SHISA9: variants seen among roughly 807,000 people sequenced by gnomAD.
SHISA9 encodes the protein shisa family member 9, also known as protein shisa-9.
Under a neutral mutation model 38.0 loss-of-function variants are expected in SHISA9, and 13 were observed. That is an observed-to-expected ratio of 0.34 (90% CI 0.22 to 0.54). The LOEUF is 0.54. SHISA9 is among the 20% of genes least tolerant of loss of function. The pLI, the probability that SHISA9 is intolerant of heterozygous loss-of-function variation, is 0.91. For missense variants in SHISA9, 538 were observed against 575.8 expected, an observed-to-expected ratio of 0.93 and a Z score of 0.67; for synonymous variants, 275 against 242.0, an observed-to-expected ratio of 1.14 and a Z score of -1.27.
the SHISA9 span, among the ~76,000 whole-genome samples, chr16:13,405,374 A>C: frequency 7.9e-5 from 12 of 152,308 alleles, no homozygotes; most frequent in South Asian, 2.5e-3. Flanking sequence ...TGCAGTGTGC[A>C]CTCACCCAGA....
At chr16:13,477,692 C>T in the SHISA9 span, among the ~76,000 whole-genome samples, 5 of 152,194 alleles carry the variant, frequency 3.3e-5, no homozygotes, top group South Asian at 2.1e-4. Flanking sequence ...GGGCCAGGCG[C>T]GATGGCTCAT....
the SHISA9 span, among the ~76,000 whole-genome samples, chr16:13,439,686 G>C: frequency 3.9e-5 from 6 of 152,274 alleles, no homozygotes; most frequent in Non-Finnish European, 8.8e-5. Flanking sequence ...ATGGCTTCTG[G>C]TGACCCTTCA....
chr16:13,559,383 A>G, the SHISA9 span, among the ~76,000 whole-genome samples: 1 of 141,694 alleles, frequency 7.1e-6, no homozygotes, highest in African/African-American at 2.6e-5. Flanking sequence ...TGCATTTTCT[A>G]TTTTTTTTTT....
At chr16:13,538,340 A>G in the SHISA9 span, among the ~76,000 whole-genome samples, 1 of 152,188 alleles carries the variant, frequency 6.6e-6, no homozygotes, top group Non-Finnish European at 1.5e-5. Flanking sequence ...TCGGGCTTTT[A>G]TAAACACAAG....
chr16:12,931,443 T>C (rs1875389), intron 2 of SHISA9, among the ~76,000 whole-genome samples: 20,619 of 152,154 alleles, frequency 0.14, 1,695 homozygotes, highest in African/African-American at 0.23. Flanking sequence ...TCTCTCCCTT[T>C]CTCGCCCTCT....
chr16:13,180,226 C>T (rs762290842), intron 2 of SHISA9, among the ~76,000 whole-genome samples: 8 of 152,224 alleles, frequency 5.3e-5, no homozygotes, highest in African/African-American at 9.6e-5. Flanking sequence ...GAGCCTCTGC[C>T]GCCTGTCTGG....
intron 2 of SHISA9, among the ~76,000 whole-genome samples, chr16:12,928,264 C>A (rs1178431018): frequency 1.3e-5 from 2 of 151,560 alleles, no homozygotes; most frequent in Non-Finnish European, 2.9e-5. Context: ...TTATTGAGTA[C>A]CTACTAAATA....
chr16:12,924,603 G>A (rs2071370635), intron 2 of SHISA9, among the ~76,000 whole-genome samples: 1 of 152,132 alleles, frequency 6.6e-6, no homozygotes. Flanking sequence ...AAATTAAGTA[G>A]TTACTAAGAG....
chr16:13,193,752 C>T (rs1265979982), intron 2 of SHISA9, among the ~76,000 whole-genome samples: 2 of 152,236 alleles, frequency 1.3e-5, no homozygotes, highest in Non-Finnish European at 2.9e-5. Context: ...CCAGTCCACA[C>T]AACTGTGTAG....
At chr16:13,173,411 T>C (rs567295507) in intron 2 of SHISA9, among the ~76,000 whole-genome samples, 1 of 145,342 alleles carries the variant, frequency 6.9e-6, no homozygotes, top group African/African-American at 2.7e-5. Flanking sequence ...CACACACACA[T>C]TTTCCTAATT....
At position 12,950,168 on chromosome 16, in the gene SHISA9, A is replaced by G. The variant is rs576549549; in HGVS notation, c.691+33353A>G. On this transcript the variant is annotated intron_variant, in intron 2 of 4. Transcript: ENST00000558583. ...ATTTCACTTAACATAATGTCTTCGG[A>G]TTCCATCTATGTTGCTGCAAATGAC... is the stretch of plus-strand genomic sequence containing the variant. Among the ~76,000 whole-genome samples the G allele has an allele frequency of 1.9e-4, 29 of 152,300 alleles. No individual in the cohort carries two copies. In the South Asian group the frequency reaches 5.2e-3, roughly 27 times the overall value.
At chr16:13,289,188 C>T in the SHISA9 span, among the ~76,000 whole-genome samples, 1 of 152,188 alleles carries the variant, frequency 6.6e-6, no homozygotes, top group Non-Finnish European at 1.5e-5. Context: ...ACCCTCCTCT[C>T]CTCTTTCTTC....
At chr16:13,508,802 G>T in the SHISA9 span, among the ~76,000 whole-genome samples, 1 of 152,118 alleles carries the variant, frequency 6.6e-6, no homozygotes, top group African/African-American at 2.4e-5. Context: ...TTTCTCATTG[G>T]CAGGTTGCTA....
At chr16:13,138,626 A>G (rs1337272578) in intron 2 of SHISA9, among the ~76,000 whole-genome samples, 1 of 152,178 alleles carries the variant, frequency 6.6e-6, no homozygotes, top group Non-Finnish European at 1.5e-5. Flanking sequence ...TCTTGAAGAA[A>G]GATTTTCCTT....
In SHISA9 at chr16:13,235,047, G is replaced by T; in HGVS notation, c.913G>T (p.Asp305Tyr). Residue 305 changes from aspartate to tyrosine, a missense_variant, in exon 5 of 5, where the codon GAC (aspartate) becomes TAC (tyrosine). Asp to Tyr is a radical substitution (Grantham distance 160). Around this residue, in one of 4 missense-constraint regions of SHISA9, gnomAD observed 326 missense variants for 305.9 expected, o/e 1.07. Coordinates refer to ENST00000558583, the MANE Select transcript of SHISA9 (RefSeq NM_001145204.3). ...ATGTGTAGCTGACAAGGTCAATGACGACTTCTACACCAAGCGACGGCACCT... is the reference window on the plus strand; with the variant it reads ...ATGTGTAGCTGACAAGGTCAATGACTACTTCTACACCAAGCGACGGCACCT... ...KSPKADKVND[D>Y]FYTKRRHLAE... The T allele has an allele frequency of 6.5e-7, 1 of 1,546,054 alleles. No individual in the cohort carries two copies. The highest frequency in any genetic ancestry group is 1.4e-5 in the African/African-American group (1 of 72,620).
the SHISA9 span, among the ~76,000 whole-genome samples, chr16:13,539,473 G>A: frequency 4.6e-5 from 7 of 150,714 alleles, no homozygotes; most frequent in African/African-American, 1.5e-4. Flanking sequence ...CACTATGCTT[G>A]GCCCTAACCA....
chr16:13,130,625 A>G (rs1252135143), intron 2 of SHISA9, among the ~76,000 whole-genome samples: 2 of 152,110 alleles, frequency 1.3e-5, no homozygotes, highest in East Asian at 3.9e-4. Context: ...TTTTATTTTC[A>G]TAGGTTTAAA....
At chr16:13,180,106 G>T (rs932658546) in intron 2 of SHISA9, among the ~76,000 whole-genome samples, 2 of 152,200 alleles carry the variant, frequency 1.3e-5, no homozygotes, top group African/African-American at 4.8e-5. Context: ...AAGCAGTCAG[G>T]TCTGGACATT....
chr16:13,172,488 A>G lies in SHISA9; in HGVS notation c.692-30906A>G, dbSNP rs1431375263. 2.0e-5 allele frequency among the ~76,000 whole-genome samples: 3 copies of G among 152,332 alleles called. No individual in the cohort carries two copies. The East Asian group carries it at 5.8e-4, about 29-fold the overall frequency. On this transcript the variant is annotated intron_variant, in intron 2 of 4. Transcript: ENST00000558583. ...ATCAACGTGTGCATGAAGCCTCTTTAAATATGTGCAACCATCTTGACTTTG... is the reference window on the plus strand; with the variant it reads ...ATCAACGTGTGCATGAAGCCTCTTTGAATATGTGCAACCATCTTGACTTTG...
Sources: allele counts gnomAD v4.1 joint callset (sites outside exome capture counted in the v4.1 genomes callset), GRCh38; gene constraint gnomAD v4.1.1; regional missense constraint gnomAD v4.1.1; transcripts MANE v1.5; gene names NCBI Gene and HGNC (gene_info 2026-07-23, HGNC 2026-07-21).